PNPLA7: variants seen among roughly 807,000 people sequenced by gnomAD.
PNPLA7 encodes the protein patatin like domain 7, lysophospholipase.
PNPLA7 carries 153 observed loss-of-function variants against 161.7 expected under a neutral mutation model. The ratio of observed to expected loss-of-function variants is 0.95; its 90% CI spans 0.83 to 1.08. The LOEUF (loss-of-function observed/expected upper bound fraction) is 1.08, where lower values mean the gene tolerates loss of function less well. Ranked by LOEUF, PNPLA7 falls within the 50% of genes least tolerant of loss-of-function variation. The pLI, the probability that PNPLA7 is intolerant of heterozygous loss-of-function variation, is 0.00. For missense variants in PNPLA7, 1,739 were observed against 1,856.6 expected (o/e 0.94, Z 1.16); for synonymous variants, 809 against 782.1 (o/e 1.03, Z -0.57).
intron 14 of PNPLA7, among the ~76,000 whole-genome samples, chr9:137,504,167 CGGAAGAAGAAGGAAGAAGGAAGAAGAAGA>C (rs1369658648): frequency 9.1e-6 from 1 of 109,298 alleles, no homozygotes; most frequent in African/African-American, 3.5e-5. Context: ...GAGAAGAAGA[CGGAAGAAGAAGGAAGAAGGAAGAAGAAGA>C]GGAAGAAGAA....
At chr9:137,480,186 C>T (rs1832143258) in intron 23 of PNPLA7, 126 bp downstream of exon 23, 3 of 1,320,216 alleles carry the variant, frequency 2.3e-6, no homozygotes, top group East Asian at 2.4e-5. Context: ...TAGCAGATAT[C>T]TGAGTGTTGG....
Position 137,540,966 on chromosome 9 carries a change from A to C in PNPLA7, c.667-244T>G. 2.1e-6 allele frequency: 1 copy of C among 468,864 alleles called. No homozygotes were observed. The highest frequency in any genetic ancestry group is 3.9e-6 in the Non-Finnish European group (1 of 254,100). The allele number at this position is 468,864 out of a possible 1,614,324, so 29.0% of individuals were successfully genotyped here. Reference sequence around the variant, plus strand: ...GGAGACCCCACCTCTCCATCCCATGACTCGTCTTCAATGTGGGGACTGAGG... The same window carrying C: ...GGAGACCCCACCTCTCCATCCCATGCCTCGTCTTCAATGTGGGGACTGAGG... On this transcript the variant is annotated intron_variant, in intron 7 of 34. Transcript: ENST00000406427. The surrounding 1 kb of genome is among the most constrained non-coding windows in gnomAD (Gnocchi z 5.1).
chr9:137,481,487 C>T (rs779687709), intron 21 of PNPLA7, among the ~76,000 whole-genome samples: 17 of 152,194 alleles, frequency 1.1e-4, no homozygotes, highest in African/African-American at 1.4e-4. Flanking sequence ...CACATGGGCA[C>T]GGCTGTCAGG....
chr9:137,534,845 A>G (rs2132576645), intron 8 of PNPLA7, among the ~76,000 whole-genome samples: 1 of 152,258 alleles, frequency 6.6e-6, no homozygotes, highest in South Asian at 2.1e-4. Context: ...CTAACAGGCA[A>G]CCACTAATGA....
Position 137,543,783 on chromosome 9 carries a change from G to A in PNPLA7, c.306C>T (p.Asn102=), listed in dbSNP as rs776252156. The change falls in exon 5 of 35, where the codon AAC becomes AAT. Residue 102 remains asparagine (N), a synonymous_variant. Coordinates refer to ENST00000406427, the MANE Select transcript of PNPLA7 (RefSeq NM_001098537.3). The surrounding 1 kb of genome is among the most constrained non-coding windows in gnomAD (Gnocchi z 6.9). ...VTTLPNTLVE[N]TALPRQRARK... ...TGGCCCGCTGCCGGGGCAGGGCAGT[G>A]TTCTCCACAAGGGTGTTGGGGAGTG... is the stretch of plus-strand genomic sequence containing the variant. 3 of 1,613,912 alleles carry A rather than the reference G, an allele frequency of 1.9e-6. No individual in the cohort carries two copies. The highest frequency in any genetic ancestry group is 2.5e-6 in the Non-Finnish European group (3 of 1,179,988).
At chr9:137,538,624 A>G (rs1430635141) in intron 8 of PNPLA7, among the ~76,000 whole-genome samples, 2 of 152,258 alleles carry the variant, frequency 1.3e-5, no homozygotes, top group African/African-American at 4.8e-5. Flanking sequence ...GTGTAACTCA[A>G]AAGAGTAAGA....
At chr9:137,510,329 C>G (rs1414385879) in intron 12 of PNPLA7, among the ~76,000 whole-genome samples, 1 of 152,198 alleles carries the variant, frequency 6.6e-6, no homozygotes. Context: ...TCAGTGGTCA[C>G]GCTCCTAGTC....
In PNPLA7 at chr9:137,486,349, C is replaced by T. The variant is rs1037706469; in HGVS notation, c.2198-1613G>A. 1.4e-4 allele frequency among the ~76,000 whole-genome samples: 21 copies of T among 152,134 alleles called. No individual in the cohort carries two copies. The highest frequency in any genetic ancestry group is 4.1e-4 in the South Asian group (2 of 4,824). On this transcript the variant is annotated intron_variant, in intron 20 of 34. Transcript: ENST00000406427. The surrounding 1 kb of genome is among the most constrained non-coding windows in gnomAD (Gnocchi z 6.0). Reference sequence around the variant, plus strand: ...AGCACTGCGGGTAAGAGCCTGTGAACGGGGAACATGGCTCGGAGAACCAGC... The same window carrying T: ...AGCACTGCGGGTAAGAGCCTGTGAATGGGGAACATGGCTCGGAGAACCAGC...
At chr9:137,501,780 C>T (rs1472724382) in intron 14 of PNPLA7, 53 bp from the exon 15 acceptor site, 2 of 1,566,526 alleles carry the variant, frequency 1.3e-6, no homozygotes, top group East Asian at 2.3e-5. Context: ...AAATGAAGGT[C>T]CAGAGAACAG....
chr9:137,505,858 C>G, intron 13 of PNPLA7, 98 bp from the exon 14 acceptor site: 7 of 1,544,602 alleles, frequency 4.5e-6, no homozygotes, highest in Non-Finnish European at 5.3e-6. Flanking sequence ...GCGGAAAGGC[C>G]GGCTGAGCCT....
In PNPLA7 at chr9:137,462,199, C is replaced by CG; in HGVS notation, c.3624dup (p.Gly1209ArgfsTer19). 6.4e-7 allele frequency: 1 copy of CG among 1,571,602 alleles called. No homozygotes were observed. The highest frequency in any genetic ancestry group is 8.7e-7 in the Non-Finnish European group (1 of 1,155,770). ...CTCACGCAGATCTCGTTGAACTTGC[C>CG]GAAGTCCAGGGTGCTGTAGCTGTCG... On this transcript the variant is annotated frameshift_variant, in exon 31 of 35. Coordinates refer to ENST00000406427, the MANE Select transcript of PNPLA7 (RefSeq NM_001098537.3). LOFTEE classifies it high-confidence loss of function.
At chr9:137,469,415 A>C (rs151308725) in intron 25 of PNPLA7, among the ~76,000 whole-genome samples, 2,118 of 152,368 alleles carry the variant, frequency 0.014, 23 homozygotes, top group Middle Eastern at 0.051. Context: ...GGCATGTTCT[A>C]CAGACAGACA....
intron 28 of PNPLA7, 134 bp from the exon 29 acceptor site, chr9:137,463,665 A>G (rs1185368441): frequency 1.1e-5 from 7 of 651,970 alleles, no homozygotes; most frequent in Non-Finnish European, 1.8e-5. Context: ...AGGGAAGCTC[A>G]TGGCCCAAGG....
intron 11 of PNPLA7, among the ~76,000 whole-genome samples, chr9:137,516,974 ATCC>A (rs1834610597): frequency 6.6e-6 from 1 of 151,458 alleles, no homozygotes; most frequent in East Asian, 1.9e-4. Flanking sequence ...TGCTCACTCC[ATCC>A]TCACTCACTC....
intron 33 of PNPLA7, 59 bp from the exon 34 acceptor site, chr9:137,460,796 T>C (rs1831147670): frequency 2.0e-6 from 3 of 1,493,338 alleles, no homozygotes; most frequent in East Asian, 2.3e-5. Flanking sequence ...GTACCCAGCA[T>C]AGCCACACTC....
rs77861706 is a variant in PNPLA7 at position 137,540,767 on chromosome 9, G to A, written c.667-45C>T. The stretch of plus-strand genomic sequence containing the variant: ...TGGGTGCCGTCAGGTCTGGGGCTGC[G>A]ACCGCGGGGCCTGGCGGAGGCTCAG... On this transcript the variant is annotated intron_variant, in intron 7 of 34. Coordinates refer to ENST00000406427, the MANE Select transcript of PNPLA7 (RefSeq NM_001098537.3). The surrounding 1 kb of genome is among the most constrained non-coding windows in gnomAD (Gnocchi z 5.1). 4,634 of 1,553,210 alleles carry A rather than the reference G, an allele frequency of 3.0e-3. 14 individuals are homozygous for A. The highest frequency in any genetic ancestry group is 3.8e-3 in the Non-Finnish European group (4,291 of 1,141,370).
intron 20 of PNPLA7, among the ~76,000 whole-genome samples, chr9:137,489,937 G>A (rs750471581): frequency 6.6e-5 from 10 of 152,208 alleles, no homozygotes; most frequent in East Asian, 5.8e-4. Flanking sequence ...TGGAAGAATC[G>A]TTTGAAGACA....
intron 28 of PNPLA7, 87 bp from the exon 29 acceptor site, chr9:137,463,618 G>A: frequency 1.0e-6 from 1 of 993,914 alleles, no homozygotes; most frequent in Admixed American, 2.2e-5. Context: ...CAGTCCTGGA[G>A]CTGGTAGGTC....
At chr9:137,517,543 A>C (rs1322908488) in intron 11 of PNPLA7, among the ~76,000 whole-genome samples, 3 of 73,098 alleles carry the variant, frequency 4.1e-5, no homozygotes, top group African/African-American at 4.7e-5. Context: ...ACTCCATCCC[A>C]CACTCACTCA....
Sources: gnomAD v4.1 joint callset for allele counts (sites outside exome capture counted in the v4.1 genomes callset) on GRCh38, gnomAD v4.1.1 for gene constraint, Gnocchi (gnomAD v3.1) non-coding constraint, MANE v1.5 for transcripts, NCBI Gene and HGNC (gene_info 2026-07-23, HGNC 2026-07-21) for gene names.